The following MSH4 variants were observed in gnomAD, a reference collection of about 807,000 sequenced individuals.
MSH4 encodes the protein mutS homolog 4, also known as mutS protein homolog 4.
A neutral mutation model predicts 113.7 loss-of-function variants in MSH4; 106 were observed. That is an observed-to-expected ratio of 0.93 (90% CI 0.80 to 1.10). The LOEUF (loss-of-function observed/expected upper bound fraction) is 1.10, where lower values mean the gene tolerates loss of function less well. MSH4 is among the 50% of genes least tolerant of loss of function. MSH4 has a pLI of 0.00. For missense variants in MSH4, 1,061 were observed against 1,093.7 expected, an observed-to-expected ratio of 0.97 and a Z score of 0.42; for synonymous variants, 368 against 380.2, an observed-to-expected ratio of 0.97 and a Z score of 0.37.
At chr1:75,907,507 G>T (rs1237667402) in intron 19 of MSH4, among the ~76,000 whole-genome samples, 3 of 151,468 alleles carry the variant, frequency 2.0e-5, no homozygotes, top group African/African-American at 7.3e-5. Flanking sequence ...AATATATTTG[G>T]TGTTCTGTGA....
At chr1:75,835,942 A>T (rs975203364) in intron 7 of MSH4, among the ~76,000 whole-genome samples, 2 of 151,976 alleles carry the variant, frequency 1.3e-5, no homozygotes, top group African/African-American at 2.4e-5. Flanking sequence ...TACCTTTCGG[A>T]GTTCACCTTT....
intron 6 of MSH4, among the ~76,000 whole-genome samples, chr1:75,820,810 G>C (rs1223564850): frequency 6.6e-6 from 1 of 151,980 alleles, no homozygotes; most frequent in Admixed American, 6.6e-5. Flanking sequence ...GACAAAGAAG[G>C]CCATTACATA....
intron 15 of MSH4, among the ~76,000 whole-genome samples, chr1:75,888,905 T>C (rs1039978743): frequency 1.3e-5 from 2 of 151,006 alleles, no homozygotes; most frequent in African/African-American, 4.9e-5. Context: ...TTTTTTTTTT[T>C]TTTTTTTGAG....
chr1:75,875,833 T>TAAGC (rs1651806400), intron 9 of MSH4, among the ~76,000 whole-genome samples: 1 of 84,552 alleles, frequency 1.2e-5, no homozygotes, highest in Admixed American at 1.2e-4. Context: ...TATGGGTAAA[T>TAAGC]AAGTGTTAAA....
chr1:75,866,747 G>A (rs891904108), intron 8 of MSH4, among the ~76,000 whole-genome samples: 6 of 152,028 alleles, frequency 3.9e-5, no homozygotes, highest in South Asian at 2.1e-4. Context: ...TTGGGAGGCC[G>A]AGATGGCTGG....
intron 7 of MSH4, among the ~76,000 whole-genome samples, chr1:75,839,236 A>G (rs941067123): frequency 1.3e-5 from 2 of 151,692 alleles, no homozygotes; most frequent in Non-Finnish European, 2.9e-5. Flanking sequence ...TTTTTTTGAG[A>G]CAGAGTTTCA....
intron 15 of MSH4, among the ~76,000 whole-genome samples, chr1:75,886,773 G>A (rs866861325): frequency 7.4e-6 from 1 of 134,816 alleles, no homozygotes; most frequent in African/African-American, 2.8e-5. Context: ...TATGTATATA[G>A]TTATTATACC....
Position 75,797,181 on chromosome 1 carries a change from A to G in MSH4, c.196A>G (p.Ser66Gly). Residue 66 changes from serine (S) to glycine (G), a missense_variant, in exon 1 of 20, where the codon AGC (serine) becomes GGC (glycine). By Grantham distance (56) the Ser-to-Gly change is moderately conservative. Transcript: ENST00000263187. The stretch of plus-strand genomic sequence containing the variant: ...AGGAGCTGCGGGCGACCGGAGCAGC[A>G]GCAGCAGCAGCCTTCCCTGCCCCGC... ...TSGAAGDRSS[S>G]SSSLPCPAPN... 6.2e-7 allele frequency: 1 copy of G among 1,609,718 alleles called. No homozygotes were observed.
At chr1:75,906,977 G>T (rs1432629282) in intron 19 of MSH4, among the ~76,000 whole-genome samples, 1 of 151,778 alleles carries the variant, frequency 6.6e-6, no homozygotes, top group Non-Finnish European at 1.5e-5. Context: ...GGGACTACAG[G>T]CGCCCACCAC....
rs1230348816 is a variant in MSH4 at position 75,883,917 on chromosome 1, G to T, written c.2107+96G>T. 6.3e-6 allele frequency: 6 copies of T among 947,550 alleles called. No homozygotes were observed. The Admixed American group carries it at 1.1e-4, about 18-fold the overall frequency. The allele number at this position is 947,550 out of a possible 1,614,324, so 58.7% of individuals were successfully genotyped here. ...AGGGCCATGTGCCTAATTAACCCAA[G>T]AACAGTTTGGAGCAGATTCTGTTAC... On this transcript the variant is annotated intron_variant, in intron 15 of 19. Transcript: ENST00000263187.
At chr1:75,878,103 C>A (rs1651853233) in intron 10 of MSH4, 46 bp from the exon 11 acceptor site, 1 of 1,341,458 alleles carries the variant, frequency 7.5e-7, no homozygotes, top group African/African-American at 1.5e-5. Flanking sequence ...TAAAATAACT[C>A]TTTGACTTAT....
At chr1:75,845,874 C>T (rs1277442412) in intron 7 of MSH4, among the ~76,000 whole-genome samples, 2 of 152,196 alleles carry the variant, frequency 1.3e-5, no homozygotes, top group East Asian at 3.9e-4. Flanking sequence ...TGATAAGTCT[C>T]TGCCTGGGCC....
At chr1:75,869,274 G>T (rs1303066336) in intron 9 of MSH4, among the ~76,000 whole-genome samples, 1 of 152,100 alleles carries the variant, frequency 6.6e-6, no homozygotes, top group East Asian at 1.9e-4. Flanking sequence ...GTATCCAGGG[G>T]GAAGAAATTC....
At chr1:75,850,498 T>C (rs1651161035) in intron 8 of MSH4, among the ~76,000 whole-genome samples, 1 of 152,158 alleles carries the variant, frequency 6.6e-6, no homozygotes, top group South Asian at 2.1e-4. Context: ...CTAATTTAAT[T>C]CCCAATGATC....
In MSH4 at chr1:75,899,648, C is replaced by T. The variant is rs762304277; in HGVS notation, c.2561C>T (p.Pro854Leu). ...AAAGCTGCAGAGGTGTCATCACTTC[C>T]ACCATCAATTGTCTTGGATGCCAAG... ...GLKAAEVSSL[P>L]PSIVLDAKEI... Residue 854 changes from proline to leucine, a missense_variant, in exon 19 of 20, where the codon CCA (proline) becomes CTA (leucine). Physicochemically the swap from Pro to Leu is moderately conservative, Grantham distance 98. Coordinates refer to ENST00000263187, the MANE Select transcript of MSH4 (RefSeq NM_002440.4). The T allele has an allele frequency of 8.6e-6, 13 of 1,510,682 alleles. No homozygotes were observed. The highest frequency in any genetic ancestry group is 1.7e-4 in the Middle Eastern group (1 of 5,764). The allele number at this position is 1,510,682 out of a possible 1,614,324, so 93.6% of individuals were successfully genotyped here. A position where few individuals can be genotyped will look rare whatever the true frequency, so the allele number is the denominator to read the frequency against.
At chr1:75,912,671 TATA>T (rs781128136) in intron 19 of MSH4, 22 bp from the exon 20 acceptor site, 108 of 1,243,258 alleles carry the variant, frequency 8.7e-5, no homozygotes, top group Admixed American at 5.7e-4. Flanking sequence ...TATATATATA[TATA>T]TTTTTTTTTT....
chr1:75,841,083 G>A (rs1243835538), intron 7 of MSH4, among the ~76,000 whole-genome samples: 4 of 152,088 alleles, frequency 2.6e-5, no homozygotes, highest in Non-Finnish European at 5.9e-5. Context: ...TAATGCAGAT[G>A]TTTTTTGGAT....
intron 12 of MSH4, 39 bp from the exon 13 acceptor site, chr1:75,880,011 T>G: frequency 1.0e-6 from 1 of 954,454 alleles, no homozygotes. Flanking sequence ...CATAGTAGTG[T>G]GCATTTATCT....
chr1:75,806,372 C>T (rs1008437517), intron 2 of MSH4, among the ~76,000 whole-genome samples: 1 of 149,568 alleles, frequency 6.7e-6, no homozygotes, highest in Non-Finnish European at 1.5e-5. Flanking sequence ...CTCAGCCTCT[C>T]GAGTAGCTGG....
Sources: allele counts gnomAD v4.1 joint callset (sites outside exome capture counted in the v4.1 genomes callset), GRCh38; gene constraint gnomAD v4.1.1; transcripts MANE v1.5; gene names NCBI Gene and HGNC (gene_info 2026-07-23, HGNC 2026-07-21).